The following CACNA1B variants were observed in gnomAD, a reference collection of about 807,000 sequenced individuals.
CACNA1B encodes calcium voltage-gated channel subunit alpha1 B, also known as voltage-dependent N-type calcium channel subunit alpha-1B.
Under a neutral mutation model 247.2 loss-of-function variants are expected in CACNA1B, and 70 were observed. The observed-to-expected ratio is 0.28, with a 90% confidence interval of 0.23 to 0.35. The LOEUF is 0.35. CACNA1B is among the 10% of genes least tolerant of loss of function. The probability of loss-of-function intolerance (pLI) is 1.00; values close to 1 mark genes in which losing one functional copy is unlikely to be tolerated. For synonymous variants in CACNA1B, 1,231 were observed against 1,294.4 expected (o/e 0.95, Z 1.05); for missense variants, 2,367 against 3,197.4 (o/e 0.74, Z 6.26).
chr9:137,956,826 C>T lies in CACNA1B; in HGVS notation c.1242C>T (p.Asp414=), dbSNP rs199847935. 3.6e-5 allele frequency: 58 copies of T among 1,612,814 alleles called. No individual in the cohort carries two copies. Among genetic ancestry groups the T allele is most frequent in the South Asian group, 6.6e-5 (6 of 91,060 alleles). ...DRNAEEKSPL[D]VLKRAATKKS... is the part of the protein sequence containing the mutation. Reference sequence around the variant, plus strand: ...ATGCAGAGGAGAAGTCCCCTTTGGACGGTAGGTGGCACTTGCTGGTACTCC... The same window carrying T: ...ATGCAGAGGAGAAGTCCCCTTTGGATGGTAGGTGGCACTTGCTGGTACTCC... Residue 414 remains aspartate, a splice_region_variant and synonymous_variant, in exon 9 of 47, where the codon GAC becomes GAT. Coordinates refer to ENST00000371372, the MANE Select transcript of CACNA1B (RefSeq NM_000718.4).
Position 137,877,973 on chromosome 9 carries a change from G to T in CACNA1B, c.40G>T (p.Gly14Cys), listed in dbSNP as rs1956856362. Residue 14 changes from glycine to cysteine, a missense_variant, in exon 1 of 47, where the codon GGC becomes TGC. Coordinates refer to ENST00000371372, the MANE Select transcript of CACNA1B (RefSeq NM_000718.4). ...GGACGAGCTGGGCGGCCGCTATGGG[G>T]GCCCCGGCGGCGGAGAGCGGGCCCG... ...FGDELGGRYG[G>C]PGGGERARGG... 1 of 1,125,448 alleles carries T rather than the reference G, an allele frequency of 8.9e-7. No individual in the cohort carries two copies. Among genetic ancestry groups the T allele is most frequent in the East Asian group, 5.5e-5 (1 of 18,294 alleles). 69.7% of individuals were successfully genotyped at this position (1,125,448 alleles called of 1,614,324 possible).
chr9:137,917,447 G>T lies in CACNA1B; in HGVS notation c.966+16G>T. On this transcript the variant is annotated intron_variant, in intron 6 of 46. Transcript: ENST00000371372. This position sits in a 1 kb window ranked among gnomAD's most constrained non-coding sequence, Gnocchi z 5.5. Reference sequence around the variant, plus strand: ...CCTCTATAATGTGAGTGGCGTCTTGGCCCTGGGCCTGAGGGCAGGCCCTGG... The same window carrying T: ...CCTCTATAATGTGAGTGGCGTCTTGTCCCTGGGCCTGAGGGCAGGCCCTGG... 6.2e-7 allele frequency: 1 copy of T among 1,609,682 alleles called. No individual in the cohort carries two copies. Among genetic ancestry groups the T allele is most frequent in the Non-Finnish European group, 8.5e-7 (1 of 1,177,320 alleles).
Position 138,014,147 on chromosome 9 carries a change from G to C in CACNA1B, c.2267+912G>C, listed in dbSNP as rs992037596. Among the ~76,000 whole-genome samples, 2 of 152,226 alleles carry C rather than the reference G, an allele frequency of 1.3e-5. No homozygotes were observed. Among genetic ancestry groups the C allele is most frequent in the Non-Finnish European group, 2.9e-5 (2 of 68,042 alleles). On this transcript the variant is annotated intron_variant, in intron 18 of 46. Transcript: ENST00000371372. The surrounding 1 kb of genome is among the most constrained non-coding windows in gnomAD (Gnocchi z 6.2). Reference sequence around the variant, plus strand: ...TAAGCATGTTGGCATGTGGATGAGTGTGCTAGGTATGTGTGTGTGATGTGT... The same window carrying C: ...TAAGCATGTTGGCATGTGGATGAGTCTGCTAGGTATGTGTGTGTGATGTGT...
intron 6 of CACNA1B, among the ~76,000 whole-genome samples, chr9:137,945,599 A>G (rs1318264101): frequency 6.6e-6 from 1 of 152,248 alleles, no homozygotes; most frequent in Non-Finnish European, 1.5e-5. Flanking sequence ...CAATATGTTC[A>G]TACACAGAAT....
At chr9:137,958,071 A>T (rs189242146) in intron 10 of CACNA1B, among the ~76,000 whole-genome samples, 1 of 152,312 alleles carries the variant, frequency 6.6e-6, no homozygotes, top group Non-Finnish European at 1.5e-5. Flanking sequence ...CTGGTTCCAG[A>T]AGTGCCTGGG....
rs75966295 is a variant in CACNA1B, at chr9:137,931,331, A to C, written c.966+13900A>C. On this transcript the variant is annotated intron_variant, in intron 6 of 46. Transcript: ENST00000371372. ...TGGTTAGCTGCTTACACCCTGTGTA[A>C]ATGAAGACCAGGCCCTCTACCATTC... Among the ~76,000 whole-genome samples, 1,212 of 152,222 alleles carry C rather than the reference A, an allele frequency of 8.0e-3. 16 individuals carry two copies. Among genetic ancestry groups the C allele is most frequent in the African/African-American group, 0.028 (1,152 of 41,536 alleles).
At chr9:137,886,785 A>G (rs1957020959) in intron 3 of CACNA1B, among the ~76,000 whole-genome samples, 1 of 152,182 alleles carries the variant, frequency 6.6e-6, no homozygotes, top group African/African-American at 2.4e-5. Context: ...AGGTGGACGG[A>G]TGAGTGGATG....
chr9:137,879,874 G>A (rs1310956942), intron 2 of CACNA1B, among the ~76,000 whole-genome samples: 3 of 152,298 alleles, frequency 2.0e-5, no homozygotes, highest in South Asian at 2.1e-4. Context: ...AGCAGTTTCT[G>A]AGGTCAGAGC....
intron 15 of CACNA1B, among the ~76,000 whole-genome samples, chr9:138,002,887 G>A (rs1350869570): frequency 6.6e-6 from 1 of 150,708 alleles, no homozygotes; most frequent in African/African-American, 2.4e-5. Context: ...TGTAACCTCC[G>A]CCTCCCGGGT....
chr9:137,923,966 C>G (rs776747677), intron 6 of CACNA1B, among the ~76,000 whole-genome samples: 23 of 152,142 alleles, frequency 1.5e-4, no homozygotes, highest in Non-Finnish European at 3.2e-4. Flanking sequence ...ATCTTTTGCC[C>G]ATGTTCTGTT....
intron 20 of CACNA1B, among the ~76,000 whole-genome samples, chr9:138,026,241 T>C (rs906919539): frequency 6.6e-6 from 1 of 152,192 alleles, no homozygotes; most frequent in African/African-American, 2.4e-5. Flanking sequence ...CAGCCTCCCC[T>C]TTTCCTTTGC....
rs550277711 is a variant in CACNA1B, at chr9:138,083,830, C to T, written c.5094+5572C>T. Among the ~76,000 whole-genome samples the T allele has an allele frequency of 3.3e-5, 5 of 150,540 alleles. 1 individual carries two copies. In the East Asian group the frequency reaches 8.3e-4, roughly 25 times the overall value. ...CAAATGAGAGCGGTGCTCTGCCATTCTAGGGTACTTGCTGCTGCTACACCT... is the reference window on the plus strand; with the variant it reads ...CAAATGAGAGCGGTGCTCTGCCATTTTAGGGTACTTGCTGCTGCTACACCT... On this transcript the variant is annotated intron_variant, in intron 36 of 46. Coordinates refer to ENST00000371372, the MANE Select transcript of CACNA1B (RefSeq NM_000718.4).
chr9:137,925,866 C>T (rs1449289852), intron 6 of CACNA1B, among the ~76,000 whole-genome samples: 8 of 151,178 alleles, frequency 5.3e-5, no homozygotes, highest in South Asian at 2.1e-4. Flanking sequence ...CCTCAGCCTC[C>T]GGAGTAGCTG....
Position 138,120,146 on chromosome 9 carries a change from C to T in CACNA1B, c.6031-19C>T. The T allele has an allele frequency of 6.3e-7, 1 of 1,580,754 alleles. No individual in the cohort carries two copies. Among genetic ancestry groups the T allele is most frequent in the Non-Finnish European group, 8.6e-7 (1 of 1,163,522 alleles). Reference sequence around the variant, plus strand: ...CCCTGGTGCCTCCCCTAGGCCCACTCTCAGTCCTTTGCCCACAGCCCGTCA... The same window carrying T: ...CCCTGGTGCCTCCCCTAGGCCCACTTTCAGTCCTTTGCCCACAGCCCGTCA... On this transcript the variant is annotated intron_variant, in intron 44 of 46. Transcript: ENST00000371372.
Position 137,954,856 on chromosome 9 carries a change from T to TTG in CACNA1B, c.1071-819_1071-818dup, listed in dbSNP as rs150496046. 3.1e-3 allele frequency among the ~76,000 whole-genome samples: 369 copies of TTG among 120,974 alleles called. 3 individuals are homozygous for TTG. The highest frequency in any genetic ancestry group is 8.6e-3 in the South Asian group (30 of 3,476). 79.4% of individuals were successfully genotyped at this position (120,974 alleles called of 152,430 possible). On this transcript the variant is annotated intron_variant, in intron 7 of 46. Coordinates refer to ENST00000371372, the MANE Select transcript of CACNA1B (RefSeq NM_000718.4). This position sits in a 1 kb window ranked among gnomAD's most constrained non-coding sequence, Gnocchi z 4.1. ...ACACCCACTCCACCAACTCAGAAGC[T>TTG]TGTGTGTGTGTGTGTGTGTGTGTGA...
rs1313145037 is a variant in CACNA1B at position 138,052,625 on chromosome 9, C to G, written c.3807+437C>G. ...GAAACCTAGTAATTGTGAGCTTGTG[C>G]TAGGCCCTGTGCGAATTGCTTCATG... On this transcript the variant is annotated intron_variant, in intron 25 of 46. Transcript: ENST00000371372. The surrounding 1 kb of genome is among the most constrained non-coding windows in gnomAD (Gnocchi z 5.1). Among the ~76,000 whole-genome samples, 1 of 152,222 alleles carries G rather than the reference C, an allele frequency of 6.6e-6. No homozygotes were observed. The highest frequency in any genetic ancestry group is 2.4e-5 in the African/African-American group (1 of 41,458).
chr9:138,054,028 G>A lies in CACNA1B; in HGVS notation c.3968+22G>A, dbSNP rs760547337. ...GCAGGTAAACTGAGGCAGGGTGCAA[G>A]GTGGGACACACAGCCCCATGATGCA... is the stretch of plus-strand genomic sequence containing the variant. On this transcript the variant is annotated intron_variant, in intron 26 of 46. Coordinates refer to ENST00000371372, the MANE Select transcript of CACNA1B (RefSeq NM_000718.4). This position sits in a 1 kb window ranked among gnomAD's most constrained non-coding sequence, Gnocchi z 4.6. 3 of 1,611,108 alleles carry A rather than the reference G, an allele frequency of 1.9e-6. No homozygotes were observed. Among genetic ancestry groups the A allele is most frequent in the Non-Finnish European group, 2.5e-6 (3 of 1,177,372 alleles).
chr9:137,919,748 C>A lies in CACNA1B; in HGVS notation c.966+2317C>A, dbSNP rs1329283938. Among the ~76,000 whole-genome samples the A allele has an allele frequency of 6.6e-6, 1 of 152,188 alleles. No individual in the cohort carries two copies. Among genetic ancestry groups the A allele is most frequent in the Non-Finnish European group, 1.5e-5 (1 of 68,026 alleles). ...TGGAAAGCTCAGTCCGTGTTGGGAGCAGGAGTGGGGGTGTGAGCAACAGCG... is the reference window on the plus strand; with the variant it reads ...TGGAAAGCTCAGTCCGTGTTGGGAGAAGGAGTGGGGGTGTGAGCAACAGCG... On this transcript the variant is annotated intron_variant, in intron 6 of 46. Coordinates refer to ENST00000371372, the MANE Select transcript of CACNA1B (RefSeq NM_000718.4). This position sits in a 1 kb window ranked among gnomAD's most constrained non-coding sequence, Gnocchi z 4.6.
intron 6 of CACNA1B, among the ~76,000 whole-genome samples, chr9:137,943,096 A>C (rs751110862): frequency 6.7e-6 from 1 of 149,782 alleles, no homozygotes; most frequent in Admixed American, 6.6e-5. Flanking sequence ...AAGCCTGCTG[A>C]AATGGTCCCA....
Sources: gnomAD v4.1 joint callset for allele counts (sites outside exome capture counted in the v4.1 genomes callset) on GRCh38, gnomAD v4.1.1 for gene constraint, Gnocchi (gnomAD v3.1) non-coding constraint, MANE v1.5 for transcripts, NCBI Gene and HGNC (gene_info 2026-07-23, HGNC 2026-07-21) for gene names.